TRDN: variants seen among roughly 807,000 people sequenced by gnomAD.
The protein encoded by TRDN is triadin in skeletal muscle.
In TRDN, 161 loss-of-function variants were observed where a neutral mutation model predicts 149.7. The observed-to-expected ratio is 1.08, with a 90% CI of 0.95 to 1.23. TRDN has a LOEUF of 1.23. Ranked by LOEUF, TRDN falls within the 50% of genes most tolerant of loss-of-function variation. TRDN has a pLI of 0.00. For synonymous variants in TRDN, 294 were observed against 250.5 expected (o/e 1.17, Z -1.64); for missense variants, 896 against 823.5 (o/e 1.09, Z -1.08).
rs139389586 is a variant in TRDN, at chr6:123,481,087, T to G, written c.854-16104A>C. Among the ~76,000 whole-genome samples, 476 of 152,248 alleles carry G rather than the reference T, an allele frequency of 3.1e-3. 2 individuals carry two copies. The highest frequency in any genetic ancestry group is 4.8e-3 in the Non-Finnish European group (326 of 67,978). ...ACACTTAAAAATCTAATCATGGAACTGGATGATATTTTATCAGGCCTTACA... is the reference window on the plus strand; with the variant it reads ...ACACTTAAAAATCTAATCATGGAACGGGATGATATTTTATCAGGCCTTACA... On this transcript the variant is annotated intron_variant, in intron 9 of 40. Coordinates refer to ENST00000334268, the MANE Select transcript of TRDN (RefSeq NM_006073.4).
chr6:123,278,605 T>C (rs184566587), intron 25 of TRDN, among the ~76,000 whole-genome samples: 1 of 152,196 alleles, frequency 6.6e-6, no homozygotes, highest in African/African-American at 2.4e-5. Flanking sequence ...GCCTGTAATC[T>C]TAGCACTTTG....
chr6:123,403,527 G>GA (rs1204764804), intron 12 of TRDN, among the ~76,000 whole-genome samples: 1 of 152,150 alleles, frequency 6.6e-6, no homozygotes, highest in Non-Finnish European at 1.5e-5. Flanking sequence ...GGAAAAGTCT[G>GA]GGAAATGGGA....
intron 38 of TRDN, among the ~76,000 whole-genome samples, chr6:123,228,385 A>G (rs1325867910): frequency 1.3e-5 from 2 of 151,964 alleles, no homozygotes; most frequent in African/African-American, 4.8e-5. Flanking sequence ...TTATAAAGGA[A>G]AGAGATTTAA....
chr6:123,571,259 T>C, intron 1 of TRDN, 127 bp from the exon 2 acceptor site: 1 of 969,764 alleles, frequency 1.0e-6, no homozygotes, highest in Non-Finnish European at 1.5e-6. Context: ...AACTCCTTAG[T>C]GGCAGGACAA....
At chr6:123,366,431 AAAG>A (rs1373335484) in intron 19 of TRDN, among the ~76,000 whole-genome samples, 1 of 152,212 alleles carries the variant, frequency 6.6e-6, no homozygotes, top group East Asian at 1.9e-4. Flanking sequence ...AGTGACCATA[AAAG>A]AAGGTGGCCT....
In TRDN at chr6:123,267,726, TTC is replaced by T. The variant is rs1346308099; in HGVS notation, c.1762_1763del (p.Glu588ThrfsTer28). 2 of 1,580,636 alleles carry T rather than the reference TTC, an allele frequency of 1.3e-6. No homozygotes were observed. Among genetic ancestry groups the T allele is most frequent in the Admixed American group, 1.8e-5 (1 of 56,292 alleles). Reference sequence around the variant, plus strand: ...AAATACCTGTTTTTATAGATGGAGGTTCTCTTTCTCGATGTTCAGCTTTTTCT... The same window carrying T: ...AAATACCTGTTTTTATAGATGGAGGTTCTTTCTCGATGTTCAGCTTTTTCT... ...PTKKAEHRER[E>X]PPSIKTDKPK... On this transcript the variant is annotated frameshift_variant, in exon 32 of 41. Coordinates refer to ENST00000334268, the MANE Select transcript of TRDN (RefSeq NM_006073.4). LOFTEE classifies it high-confidence loss of function.
Position 123,223,636 on chromosome 6 carries a change from C to T in TRDN, c.2014+457G>A, listed in dbSNP as rs115493256. Among the ~76,000 whole-genome samples, 152 of 151,584 alleles carry T rather than the reference C, an allele frequency of 1.0e-3. 1 individual carries two copies. The highest frequency in any genetic ancestry group is 3.5e-3 in the African/African-American group (147 of 41,426). ...CTGACTGTTTGTCCTCTGGCTTGGG[C>T]TGGAAGAGTGCAGGGGTTGAGTCCA... On this transcript the variant is annotated intron_variant, in intron 39 of 40. Transcript: ENST00000334268.
chr6:123,538,014 A>G (rs1457090906), intron 4 of TRDN, among the ~76,000 whole-genome samples: 1 of 152,192 alleles, frequency 6.6e-6, no homozygotes, highest in East Asian at 1.9e-4. Flanking sequence ...AATGTTATCA[A>G]TTGAAGATTT....
intron 4 of TRDN, among the ~76,000 whole-genome samples, chr6:123,544,234 C>T (rs1780998473): frequency 6.9e-6 from 1 of 145,658 alleles, no homozygotes; most frequent in South Asian, 2.2e-4. Context: ...AAGCCTTATG[C>T]ACATCTGTAC....
intron 10 of TRDN, among the ~76,000 whole-genome samples, chr6:123,453,181 C>T (rs1775892821): frequency 6.6e-6 from 1 of 151,682 alleles, no homozygotes. Context: ...CCCTTCTAGA[C>T]ATTCATTGCC....
At chr6:123,350,960 T>C (rs1175900083) in intron 21 of TRDN, 1 of 984,968 alleles carries the variant, frequency 1.0e-6, no homozygotes, top group Non-Finnish European at 1.2e-6. Context: ...ATAAAATTAA[T>C]GAAACTGACA....
At chr6:123,352,225 T>A (rs1260635931) in intron 21 of TRDN, 1 of 985,014 alleles carries the variant, frequency 1.0e-6, no homozygotes, top group Non-Finnish European at 1.2e-6. Flanking sequence ...ACAAATCAAA[T>A]AGGAATATGT....
chr6:123,499,719 A>AAAAAAAATATAT, intron 8 of TRDN, among the ~76,000 whole-genome samples: 2 of 47,678 alleles, frequency 4.2e-5, no homozygotes, highest in African/African-American at 7.2e-5. Flanking sequence ...AAAAAAAAAA[A>AAAAAAAATATAT]ATATATATAT....
At chr6:123,236,171 T>A (rs912344517) in intron 38 of TRDN, among the ~76,000 whole-genome samples, 2 of 152,166 alleles carry the variant, frequency 1.3e-5, no homozygotes, top group African/African-American at 4.8e-5. Flanking sequence ...AGCACTTGTT[T>A]TTGTTTTTCC....
intron 24 of TRDN, among the ~76,000 whole-genome samples, chr6:123,306,298 C>T (rs1778609423): frequency 6.6e-6 from 1 of 152,106 alleles, no homozygotes; most frequent in Non-Finnish European, 1.5e-5. Context: ...AACATTTCCC[C>T]AGACATGGGA....
At chr6:123,602,896 G>A (rs1299544560) in intron 1 of TRDN, among the ~76,000 whole-genome samples, 1 of 151,716 alleles carries the variant, frequency 6.6e-6, no homozygotes, top group African/African-American at 2.4e-5. Context: ...ACACATCAAC[G>A]ACTTCATGCT....
chr6:123,571,330 C>A (rs891489409), intron 1 of TRDN, among the ~76,000 whole-genome samples, 198 bp from the exon 2 acceptor site: 3 of 152,160 alleles, frequency 2.0e-5, no homozygotes, highest in African/African-American at 7.2e-5. Context: ...CCCTAAAACT[C>A]GTGCGCTCAT....
chr6:123,328,059 T>C (rs552320514), intron 23 of TRDN, among the ~76,000 whole-genome samples: 2 of 152,326 alleles, frequency 1.3e-5, no homozygotes, highest in Admixed American at 1.3e-4. Context: ...AATCACTCCA[T>C]ATTTTCCACA....
chr6:123,508,519 A>G (rs1199614615), intron 7 of TRDN, among the ~76,000 whole-genome samples: 2 of 152,188 alleles, frequency 1.3e-5, no homozygotes, highest in African/African-American at 2.4e-5. Context: ...CACATCAATT[A>G]GACAGCCTGG....
Sources: gnomAD v4.1 joint callset for allele counts (sites outside exome capture counted in the v4.1 genomes callset) on GRCh38, gnomAD v4.1.1 for gene constraint, MANE v1.5 for transcripts, NCBI Gene and HGNC (gene_info 2026-07-23, HGNC 2026-07-21) for gene names.